TTLL5: variants seen among roughly 807,000 people sequenced by gnomAD.
TTLL5 encodes the protein tubulin polyglutamylase TTLL5.
TTLL5 carries 132 observed loss-of-function variants against 168.4 expected under a neutral mutation model. The observed-to-expected ratio is 0.78, with a 90% CI of 0.68 to 0.91. TTLL5 has a LOEUF of 0.91. Among genes scored for constraint, TTLL5 ranks in the 40% least tolerant of loss-of-function variants. The probability of loss-of-function intolerance (pLI) is 0.00; values close to 1 mark genes in which losing one functional copy is unlikely to be tolerated. For synonymous variants in TTLL5, 546 were observed against 558.6 expected, an observed-to-expected ratio of 0.98 and a Z score of 0.32; for missense variants, 1,545 against 1,581.5, an observed-to-expected ratio of 0.98 and a Z score of 0.39.
At chr14:75,841,063 C>T (rs559314440) in intron 28 of TTLL5, among the ~76,000 whole-genome samples, 35 of 152,242 alleles carry the variant, frequency 2.3e-4, no homozygotes, top group Middle Eastern at 3.4e-3. Context: ...TTCGTGTGAA[C>T]GAACTGAGCA....
chr14:75,895,528 A>T (rs920698379), intron 30 of TTLL5, among the ~76,000 whole-genome samples: 13 of 151,964 alleles, frequency 8.6e-5, no homozygotes, highest in Non-Finnish European at 5.9e-5. Flanking sequence ...GTTTTTTTTT[A>T]AAAAAAATCC....
rs148883248 is a variant in TTLL5, at chr14:75,811,156, A to AGTGTGTGTGT, written c.3172-8828_3172-8819dup. ...GGGAAAGAGAGGGAATGAAAGAAAG[A>AGTGTGTGTGT]GTGTGTGTGTGTGTGTGTGTGTGTG... On this transcript the variant is annotated intron_variant, in intron 27 of 31. Coordinates refer to ENST00000298832, the MANE Select transcript of TTLL5 (RefSeq NM_015072.5). Among the ~76,000 whole-genome samples the AGTGTGTGTGT allele has an allele frequency of 8.6e-5, 10 of 116,624 alleles. 1 individual carries two copies. In the South Asian group the frequency reaches 1.6e-3, roughly 18 times the overall value. 76.5% of individuals were successfully genotyped at this position (116,624 alleles called of 152,430 possible).
intron 28 of TTLL5, among the ~76,000 whole-genome samples, chr14:75,859,197 A>G (rs1897287053): frequency 6.6e-6 from 1 of 152,182 alleles, no homozygotes; most frequent in African/African-American, 2.4e-5. Flanking sequence ...GATTCCCTCC[A>G]AGTTCCCTAA....
At chr14:75,737,424 C>A in intron 15 of TTLL5, 1 of 712,846 alleles carries the variant, frequency 1.4e-6, no homozygotes, top group African/African-American at 1.8e-5. Flanking sequence ...TCTAACCTTC[C>A]AACCACAAAG....
chr14:75,916,138 T>G (rs1189355479), intron 31 of TTLL5, among the ~76,000 whole-genome samples: 5 of 119,538 alleles, frequency 4.2e-5, no homozygotes, highest in Non-Finnish European at 6.5e-5. Context: ...AACAGAGAGA[T>G]AGAGAGGGAT....
At chr14:75,680,350 T>G (rs1884503999) in intron 3 of TTLL5, among the ~76,000 whole-genome samples, 2 of 152,160 alleles carry the variant, frequency 1.3e-5, no homozygotes, top group African/African-American at 4.8e-5. Flanking sequence ...GGTGCAGTTC[T>G]CCAGCTGATT....
intron 27 of TTLL5, among the ~76,000 whole-genome samples, chr14:75,801,299 G>A (rs1291447775): frequency 6.6e-6 from 1 of 152,108 alleles, no homozygotes; most frequent in Non-Finnish European, 1.5e-5. Context: ...GGTCACCAGG[G>A]AAGTAGGGGA....
intron 28 of TTLL5, among the ~76,000 whole-genome samples, chr14:75,860,562 G>T (rs2139932035): frequency 6.6e-6 from 1 of 152,214 alleles, no homozygotes; most frequent in East Asian, 1.9e-4. Flanking sequence ...TAGTCCAGTT[G>T]TAACTAATAG....
At chr14:75,862,495 C>T (rs1255162382) in intron 28 of TTLL5, among the ~76,000 whole-genome samples, 3 of 152,150 alleles carry the variant, frequency 2.0e-5, no homozygotes, top group Non-Finnish European at 4.4e-5. Flanking sequence ...CCCTTGTTAT[C>T]GTCAGGTATT....
chr14:75,674,769 A>G (rs1310734674), intron 3 of TTLL5, among the ~76,000 whole-genome samples: 1 of 152,160 alleles, frequency 6.6e-6, no homozygotes, highest in Non-Finnish European at 1.5e-5. Flanking sequence ...TAGATGTATG[A>G]TGCAAGCTAT....
intron 20 of TTLL5, among the ~76,000 whole-genome samples, chr14:75,768,958 AG>A (rs1891119451): frequency 6.6e-6 from 1 of 152,192 alleles, no homozygotes; most frequent in African/African-American, 2.4e-5. Context: ...GAGCTTCTAT[AG>A]GCCTCAGTTT....
chr14:75,887,835 C>T (rs2032195876), intron 30 of TTLL5, among the ~76,000 whole-genome samples: 1 of 152,212 alleles, frequency 6.6e-6, no homozygotes, highest in Non-Finnish European at 1.5e-5. Flanking sequence ...AGTTTTACCA[C>T]TTAAATGACC....
At position 75,745,156 on chromosome 14, in the gene TTLL5, A is replaced by C; in HGVS notation, c.1343A>C (p.Glu448Ala). ...EMKNLVGSAR[E>A]KGPGKLGGSV... ...AAAAACCTCGTGGGCTCAGCCCGGG[A>C]GAAAGGGCCAGGGAAGTTGGGTGGT... The change falls in exon 16 of 32, where the codon GAG becomes GCG. Residue 448 changes from glutamate (E) to alanine (A), a missense_variant. Coordinates refer to ENST00000298832, the MANE Select transcript of TTLL5 (RefSeq NM_015072.5). 6.2e-7 allele frequency: 1 copy of C among 1,613,930 alleles called. No individual in the cohort carries two copies. Among genetic ancestry groups the C allele is most frequent in the East Asian group, 2.2e-5 (1 of 44,872 alleles).
At position 75,764,760 on chromosome 14, in the gene TTLL5, C is replaced by T; in HGVS notation, c.1696C>T (p.Pro566Ser). ...GAGTAGCAGATTGAGGGCAATGAGG[C>T]CAAAATACCCAGGTACCTGCTGGTG... ...RRSSRLRAMR[P>S]KYPVITQPAE... Residue 566 changes from proline (P) to serine (S), a missense_variant, in exon 19 of 32, where the codon CCA becomes TCA. Coordinates refer to ENST00000298832, the MANE Select transcript of TTLL5 (RefSeq NM_015072.5). 1.2e-6 allele frequency: 2 copies of T among 1,614,076 alleles called. No individual in the cohort carries two copies. The highest frequency in any genetic ancestry group is 1.7e-4 in the Middle Eastern group (1 of 6,058).
chr14:75,879,586 A>C (rs186749689), intron 29 of TTLL5, among the ~76,000 whole-genome samples: 12 of 152,296 alleles, frequency 7.9e-5, no homozygotes, highest in African/African-American at 2.9e-4. Context: ...CCAATGAAGT[A>C]ATTTTTTTTA....
At chr14:75,712,593 C>T (rs1237442025) in intron 9 of TTLL5, 2 of 150,798 alleles carry the variant, frequency 1.3e-5, no homozygotes, top group East Asian at 1.9e-4. Context: ...ATCCCACTAA[C>T]TCTCTGCTTT....
Position 75,954,542 on chromosome 14 carries a change from T to TG in TTLL5, c.*96_*97insG. Reference sequence around the variant, plus strand: ...GCACTTCAAGGGGTCCATAGTATTTTTTTTTTTGCTGCCTCAAAGTCCCCA... The same window carrying TG: ...GCACTTCAAGGGGTCCATAGTATTTTGTTTTTTTGCTGCCTCAAAGTCCCCA... On this transcript the variant is annotated 3_prime_UTR_variant, in exon 32 of 32. Transcript: ENST00000298832. The TG allele has an allele frequency of 7.0e-7, 1 of 1,438,170 alleles. No individual in the cohort carries two copies. Among genetic ancestry groups the TG allele is most frequent in the Non-Finnish European group, 9.6e-7 (1 of 1,041,276 alleles). 89.1% of individuals were successfully genotyped at this position (1,438,170 alleles called of 1,614,324 possible). A position where few individuals can be genotyped will look rare whatever the true frequency, so the allele number is the denominator to read the frequency against.
intron 12 of TTLL5, among the ~76,000 whole-genome samples, chr14:75,731,025 A>G (rs1216449945): frequency 6.6e-6 from 1 of 152,068 alleles, no homozygotes; most frequent in Non-Finnish European, 1.5e-5. Context: ...GCCTCATTCT[A>G]GGATTCTTAA....
At chr14:75,689,560 A>T (rs1252081077) in intron 5 of TTLL5, 2 of 152,248 alleles carry the variant, frequency 1.3e-5, no homozygotes, top group African/African-American at 4.8e-5. Flanking sequence ...TAGCAACTTT[A>T]TTCATAATCT....
Sources: gnomAD v4.1 joint callset for allele counts (sites outside exome capture counted in the v4.1 genomes callset) on GRCh38, gnomAD v4.1.1 for gene constraint, MANE v1.5 for transcripts, NCBI Gene and HGNC (gene_info 2026-07-23, HGNC 2026-07-21) for gene names.